The following SLC30A3 variants were observed in gnomAD, a reference collection of about 807,000 sequenced individuals.
The protein encoded by SLC30A3 is probable proton-coupled zinc antiporter SLC30A3.
SLC30A3 carries 20 observed loss-of-function variants against 35.6 expected under a neutral mutation model. That is an observed-to-expected ratio of 0.56 (90% confidence interval 0.39 to 0.82). The LOEUF (loss-of-function observed/expected upper bound fraction) is 0.82, where lower values mean the gene tolerates loss of function less well. Ranked by LOEUF, SLC30A3 falls within the 40% of genes least tolerant of loss-of-function variation. SLC30A3 has a pLI of 0.00. For synonymous variants in SLC30A3, 217 were observed against 224.7 expected, an observed-to-expected ratio of 0.97 and a Z score of 0.31; for missense variants, 401 against 530.6, an observed-to-expected ratio of 0.76 and a Z score of 2.40.
Position 27,255,598 on chromosome 2 carries a change from T to C in SLC30A3, c.1019-138A>G. The C allele has an allele frequency of 1.1e-6, 1 of 901,530 alleles. No individual in the cohort carries two copies. Among genetic ancestry groups the C allele is most frequent in the South Asian group, 1.7e-5 (1 of 59,578 alleles). 55.8% of individuals were successfully genotyped at this position (901,530 alleles called of 1,614,324 possible). On this transcript the variant is annotated intron_variant, in intron 7 of 7. Coordinates refer to ENST00000233535, the MANE Select transcript of SLC30A3 (RefSeq NM_003459.5). The surrounding 1 kb of genome is among the most constrained non-coding windows in gnomAD (Gnocchi z 5.2). ...AGCCTGCTTTTCTTTCTGTATTGTA[T>C]GAACAGCATAAAAGTGTCAAATCAA...
upstream of SLC30A3, among the ~76,000 whole-genome samples, chr2:27,266,662 G>A (rs187302263): frequency 4.6e-5 from 7 of 152,134 alleles, no homozygotes; most frequent in East Asian, 1.9e-4. Context: ...TTGGGAGGCC[G>A]AGGCAGGCAG....
chr2:27,269,208 C>CT (rs368309600), intron 1 of SLC30A3, among the ~76,000 whole-genome samples: 31,670 of 127,778 alleles, frequency 0.25, 4,154 homozygotes, highest in South Asian at 0.35. Context: ...CTTTTTCTTT[C>CT]TTTTTTTTTT....
At chr2:27,263,382 CG>C, upstream of SLC30A3, 2 of 456,992 alleles carry the variant, frequency 4.4e-6, no homozygotes, top group Non-Finnish European at 4.5e-6. Context: ...CATGCCTGCG[CG>C]GGGGTGTCGC....
At position 27,256,794 on chromosome 2, in the gene SLC30A3, T is replaced by C. The variant is rs1011167164; in HGVS notation, c.877A>G (p.Met293Val). The C allele has an allele frequency of 4.4e-6, 7 of 1,599,682 alleles. No homozygotes were observed. The African/African-American group carries it at 9.5e-5, about 22-fold the overall frequency. ...GCTGTGGTGCCCGACTCACCTTCCA[T>C]GAGGATTCGAAGAACGTCTCGGAGG... ...PTLRDVLRIL[M>V]EGTPRNVGFE... Residue 293 changes from methionine to valine, a missense_variant, in exon 6 of 8, where the codon ATG becomes GTG. Physicochemically the swap from Met to Val is conservative, Grantham distance 21. Around this residue, in one of 3 missense-constraint regions of SLC30A3, gnomAD observed 296 missense variants for 392.6 expected, o/e 0.75. Coordinates refer to ENST00000233535, the MANE Select transcript of SLC30A3 (RefSeq NM_003459.5).
intron 1 of SLC30A3, among the ~76,000 whole-genome samples, chr2:27,259,554 C>G (rs542043913): frequency 4.9e-4 from 75 of 151,896 alleles, no homozygotes; most frequent in Admixed American, 1.0e-3. Context: ...GTGGTGTGAT[C>G]AGAGCTCACT....
In SLC30A3 at chr2:27,258,734, G is replaced by A. The variant is rs757808168; in HGVS notation, c.277+19C>T. On this transcript the variant is annotated intron_variant, in intron 2 of 7. Transcript: ENST00000233535. The surrounding 1 kb of genome is among the most constrained non-coding windows in gnomAD (Gnocchi z 4.0). The stretch of plus-strand genomic sequence containing the variant: ...CAGGTATTTGGAGAATGGGGTTTAA[G>A]GGCTGCTCCCCAACTTACCGACCAC... 3.7e-6 allele frequency: 6 copies of A among 1,613,490 alleles called. No homozygotes were observed. The South Asian group carries it at 4.4e-5, about 12-fold the overall frequency.
Position 27,257,067 on chromosome 2 carries a change from G to A in SLC30A3, c.777+87C>T, listed in dbSNP as rs1676900201. The A allele has an allele frequency of 3.7e-6, 5 of 1,357,832 alleles. No individual in the cohort carries two copies. The East Asian group carries it at 9.2e-5, about 25-fold the overall frequency. The allele number at this position is 1,357,832 out of a possible 1,614,324, so 84.1% of individuals were successfully genotyped here. A position where few individuals can be genotyped will look rare whatever the true frequency, so the allele number is the denominator to read the frequency against. On this transcript the variant is annotated intron_variant, in intron 5 of 7. Coordinates refer to ENST00000233535, the MANE Select transcript of SLC30A3 (RefSeq NM_003459.5). This position sits in a 1 kb window ranked among gnomAD's most constrained non-coding sequence, Gnocchi z 4.7. The stretch of plus-strand genomic sequence containing the variant: ...GGTGGGAGGGAGGAGCTGGAGGGAG[G>A]AGGAAGGAAGCTTTGGGACCTGGGA...
chr2:27,263,418 G>A (rs1251012715), upstream of SLC30A3: 2 of 438,380 alleles, frequency 4.6e-6, no homozygotes, highest in East Asian at 7.3e-5. Context: ...CCCTGTGGCC[G>A]CAACCCTCAC....
chr2:27,266,557 T>C (rs918333142), upstream of SLC30A3, among the ~76,000 whole-genome samples: 2 of 152,080 alleles, frequency 1.3e-5, no homozygotes, highest in Non-Finnish European at 2.9e-5. Context: ...AGAGTCACTG[T>C]ACCATTCTCT....
At position 27,257,448 on chromosome 2, in the gene SLC30A3, C is replaced by A; in HGVS notation, c.579-96G>T. 1 of 1,204,916 alleles carries A rather than the reference C, an allele frequency of 8.3e-7. No homozygotes were observed. Among genetic ancestry groups the A allele is most frequent in the Non-Finnish European group, 1.2e-6 (1 of 846,020 alleles). The allele number at this position is 1,204,916 out of a possible 1,614,324, so 74.6% of individuals were successfully genotyped here. Reference sequence around the variant, plus strand: ...CACCTCCCCAGTAGCCCTTTCCCAGCCCCTGGAAGAAAACAGCATTTTGCA... The same window carrying A: ...CACCTCCCCAGTAGCCCTTTCCCAGACCCTGGAAGAAAACAGCATTTTGCA... On this transcript the variant is annotated intron_variant, in intron 4 of 7. Coordinates refer to ENST00000233535, the MANE Select transcript of SLC30A3 (RefSeq NM_003459.5). This position sits in a 1 kb window ranked among gnomAD's most constrained non-coding sequence, Gnocchi z 4.7.
upstream of SLC30A3, among the ~76,000 whole-genome samples, chr2:27,265,617 T>C (rs565062439): frequency 6.6e-6 from 1 of 152,304 alleles, no homozygotes; most frequent in Admixed American, 6.5e-5. This position sits in a 1 kb window ranked among gnomAD's most constrained non-coding sequence, Gnocchi z 5.9. Context: ...GTCCAACTTC[T>C]ACTCCATGCT....
rs573404618 is a variant in SLC30A3, at chr2:27,271,612, G to C, written c.-159+3565C>G. Among the ~76,000 whole-genome samples, 2 of 152,354 alleles carry C rather than the reference G, an allele frequency of 1.3e-5. No homozygotes were observed. The highest frequency in any genetic ancestry group is 4.8e-5 in the African/African-American group (2 of 41,592). ...ACAGCCTGTGAGGGCCAGAGCCAGA[G>C]CTAAGATCTAGGGCTTCTGACCCCT... On this transcript the variant is annotated intron_variant, in intron 1 of 5. Transcript: ENST00000424577. This position sits in a 1 kb window ranked among gnomAD's most constrained non-coding sequence, Gnocchi z 4.3.
chr2:27,256,315 T>G (rs1323643415), intron 7 of SLC30A3, 71 bp downstream of exon 7: 5 of 1,567,562 alleles, frequency 3.2e-6, no homozygotes, highest in Admixed American at 3.4e-5. Context: ...TTCCAGTAAC[T>G]CAAGCTATGG....
chr2:27,254,930 TAGAC>T lies in SLC30A3; in HGVS notation c.*378_*381del, dbSNP rs973107004. Reference sequence around the variant, plus strand: ...CAGGCATAGGCACACCAACAGCACATAGACAGGCAGATGCCCCCAGCCAGCCAGC... The same window carrying T: ...CAGGCATAGGCACACCAACAGCACATAGGCAGATGCCCCCAGCCAGCCAGC... On this transcript the variant is annotated 3_prime_UTR_variant, in exon 8 of 8. Coordinates refer to ENST00000233535, the MANE Select transcript of SLC30A3 (RefSeq NM_003459.5). 1.3e-5 allele frequency: 7 copies of T among 554,608 alleles called. No individual in the cohort carries two copies. The African/African-American group carries it at 1.4e-4, about 11-fold the overall frequency. 34.4% of individuals were successfully genotyped at this position (554,608 alleles called of 1,614,324 possible).
rs749270034 is a variant in SLC30A3 at position 27,258,786 on chromosome 2, C to T, written c.244G>A (p.Val82Ile). 23 of 1,614,104 alleles carry T rather than the reference C, an allele frequency of 1.4e-5. No individual in the cohort carries two copies. The highest frequency in any genetic ancestry group is 2.2e-5 in the East Asian group (1 of 44,896). ...TCCCCAGCCATGAAGACAAAGCAAACGGCACAGGCAGCATATAGCTGCCTC... is the reference window on the plus strand; with the variant it reads ...TCCCCAGCCATGAAGACAAAGCAAATGGCACAGGCAGCATATAGCTGCCTC... The part of the protein sequence containing the change: ...ARRQLYAACA[V>I]CFVFMAGEVV... The change falls in exon 2 of 8, where the codon GTT becomes ATT. Residue 82 changes from valine (V) to isoleucine (I), a missense_variant. Physicochemically the swap from Val to Ile is conservative, Grantham distance 29. Around this residue, in one of 3 missense-constraint regions of SLC30A3, gnomAD observed 103 missense variants for 120.7 expected, o/e 0.85. Transcript: ENST00000233535. The surrounding 1 kb of genome is among the most constrained non-coding windows in gnomAD (Gnocchi z 4.0).
intron 1 of SLC30A3, 162 bp from the exon 2 acceptor site, chr2:27,259,096 T>A: frequency 1.7e-6 from 1 of 588,810 alleles, no homozygotes; most frequent in East Asian, 3.0e-5. Context: ...AGACCGGGGC[T>A]AAATGAACAG....
intron 1 of SLC30A3, among the ~76,000 whole-genome samples, chr2:27,259,288 A>C (rs1677052490): frequency 6.6e-6 from 1 of 152,110 alleles, no homozygotes; most frequent in African/African-American, 2.4e-5. Context: ...AGGTCAGGAG[A>C]TCGAGACCAT....
At chr2:27,268,943 C>G (rs1677611457) in intron 1 of SLC30A3, among the ~76,000 whole-genome samples, 2 of 151,944 alleles carry the variant, frequency 1.3e-5, no homozygotes, top group Admixed American at 6.6e-5. Context: ...AGTTAGGAGA[C>G]TAGGACACCA....
intron 1 of SLC30A3, among the ~76,000 whole-genome samples, chr2:27,259,428 G>C: frequency 6.6e-6 from 1 of 152,104 alleles, no homozygotes; most frequent in Admixed American, 6.5e-5. Flanking sequence ...GGGAGTTGGA[G>C]GTTGCAGTGA....
Sources: gnomAD v4.1 joint callset for allele counts (sites outside exome capture counted in the v4.1 genomes callset) on GRCh38, gnomAD v4.1.1 for gene constraint, gnomAD v4.1.1 regional missense constraint, Gnocchi (gnomAD v3.1) non-coding constraint, MANE v1.5 for transcripts, NCBI Gene and HGNC (gene_info 2026-07-23, HGNC 2026-07-21) for gene names.